Variants in GABPB1 observed in about 807,000 individuals in gnomAD.
GABPB1 encodes the protein GA binding protein transcription factor subunit beta 1, also known as GA-binding protein subunit beta-1.
A neutral mutation model predicts 45.9 loss-of-function variants in GABPB1; 15 were observed. That is an observed-to-expected ratio of 0.33 (90% CI 0.22 to 0.50). The LOEUF is 0.50. GABPB1 is among the 20% of genes least tolerant of loss of function. GABPB1 has a pLI of 0.98. For synonymous variants in GABPB1, 143 were observed against 154.4 expected (o/e 0.93, Z 0.55); for missense variants, 252 against 457.5 (o/e 0.55, Z 4.10).
At chr15:50,346,590 T>G (rs1308528668) in intron 1 of GABPB1, among the ~76,000 whole-genome samples, 5 of 145,776 alleles carry the variant, frequency 3.4e-5, no homozygotes, top group South Asian at 4.4e-4. Flanking sequence ...ACAGAAAGTT[T>G]TTTTTTTTTT....
chr15:50,299,630 C>T (rs1002398985), intron 6 of GABPB1, among the ~76,000 whole-genome samples: 1 of 152,024 alleles, frequency 6.6e-6, no homozygotes, highest in Non-Finnish European at 1.5e-5. Context: ...AACTCCTGAC[C>T]TCAGGTGATC....
intron 1 of GABPB1, among the ~76,000 whole-genome samples, chr15:50,319,012 A>G (rs918482938): frequency 6.6e-6 from 1 of 152,218 alleles, no homozygotes; most frequent in African/African-American, 2.4e-5. Flanking sequence ...ATAAATGGTG[A>G]GGGAAAATAT....
chr15:50,296,849 A>T (rs2046529491), intron 6 of GABPB1, among the ~76,000 whole-genome samples: 1 of 152,132 alleles, frequency 6.6e-6, no homozygotes, highest in African/African-American at 2.4e-5. Flanking sequence ...AGTATGTGCA[A>T]ATTGAGCTTT....
At chr15:50,308,984 C>T (rs1346488490) in intron 2 of GABPB1, among the ~76,000 whole-genome samples, 2 of 151,710 alleles carry the variant, frequency 1.3e-5, no homozygotes, top group Non-Finnish European at 1.5e-5. Context: ...ACAGGGATAT[C>T]GTTGATATAT....
intron 1 of GABPB1, among the ~76,000 whole-genome samples, chr15:50,329,634 T>C (rs1337374661): frequency 6.6e-6 from 1 of 152,172 alleles, no homozygotes; most frequent in African/African-American, 2.4e-5. Context: ...TAAACATGGA[T>C]ACCATTGTTC....
intron 8 of GABPB1, among the ~76,000 whole-genome samples, chr15:50,282,809 C>T (rs550741309): frequency 6.6e-6 from 1 of 152,272 alleles, no homozygotes; most frequent in East Asian, 1.9e-4. Flanking sequence ...AATCCCAGCA[C>T]TCTGGGGGGC....
chr15:50,300,429 GTTTTTGGTTTTTTT>G lies in GABPB1; in HGVS notation c.697+346_697+359del, dbSNP rs1430483093. ...TTTGTAAATATTTGAATCTGCAACT[GTTTTTGGTTTTTTT>G]TTTTTTTTTTTTTTTTTGAGACAGA... On this transcript the variant is annotated intron_variant, in intron 6 of 8. Transcript: ENST00000380877. 4.8e-4 allele frequency among the ~76,000 whole-genome samples: 35 copies of G among 72,174 alleles called. 1 individual carries two copies. The highest frequency in any genetic ancestry group is 1.6e-3 in the Admixed American group (8 of 5,066). 47.3% of individuals were successfully genotyped at this position (72,174 alleles called of 152,430 possible).
At chr15:50,289,319 A>T (rs1003640069) in intron 7 of GABPB1, among the ~76,000 whole-genome samples, 164 bp downstream of exon 7, 2 of 152,336 alleles carry the variant, frequency 1.3e-5, no homozygotes, top group Non-Finnish European at 2.9e-5. Flanking sequence ...GCAAAGGGTT[A>T]TACAAATATA....
chr15:50,283,553 C>T (rs1209412773), intron 8 of GABPB1, among the ~76,000 whole-genome samples: 6 of 151,694 alleles, frequency 4.0e-5, no homozygotes, highest in Non-Finnish European at 8.8e-5. Flanking sequence ...CTCTGTCACC[C>T]AGGCTGGAGT....
intron 1 of GABPB1, among the ~76,000 whole-genome samples, chr15:50,343,687 C>T (rs1016823243): frequency 1.3e-5 from 2 of 152,056 alleles, no homozygotes; most frequent in South Asian, 2.1e-4. Context: ...TACAGGCACA[C>T]ACCACCACGC....
At chr15:50,320,538 T>C (rs1486366845) in intron 1 of GABPB1, among the ~76,000 whole-genome samples, 1 of 152,196 alleles carries the variant, frequency 6.6e-6, no homozygotes, top group Non-Finnish European at 1.5e-5. Context: ...TGCACAGTAC[T>C]ATGGAGTGTG....
At chr15:50,323,718 T>C (rs528837694) in intron 1 of GABPB1, among the ~76,000 whole-genome samples, 8 of 151,786 alleles carry the variant, frequency 5.3e-5, no homozygotes, top group African/African-American at 1.7e-4. Context: ...AATAAAAAAT[T>C]AGCTGTATGT....
chr15:50,337,078 T>C (rs1185651233), intron 1 of GABPB1, among the ~76,000 whole-genome samples: 24 of 1,270 alleles, frequency 0.019, no homozygotes, highest in African/African-American at 0.12. Context: ...TGTGTGTGTA[T>C]ATATATATAT....
At chr15:50,323,179 T>C (rs1190022496) in intron 1 of GABPB1, among the ~76,000 whole-genome samples, 1 of 152,152 alleles carries the variant, frequency 6.6e-6, no homozygotes, top group Non-Finnish European at 1.5e-5. Flanking sequence ...GAGACTGTAC[T>C]GCACAGCGGC....
At chr15:50,336,340 C>T (rs966370519) in intron 1 of GABPB1, among the ~76,000 whole-genome samples, 37 of 130,988 alleles carry the variant, frequency 2.8e-4, no homozygotes, top group Non-Finnish European at 4.3e-4. Flanking sequence ...GGCAACAGAG[C>T]GAGACTCTGT....
chr15:50,347,243 C>T (rs2048623905), intron 1 of GABPB1, among the ~76,000 whole-genome samples: 1 of 151,988 alleles, frequency 6.6e-6, no homozygotes, highest in Non-Finnish European at 1.5e-5. Flanking sequence ...GACCATAGCA[C>T]TTAGGGCAAG....
At position 50,277,482 on chromosome 15, in the gene GABPB1, T is replaced by C. The variant is rs565867616; in HGVS notation, c.*1150A>G. ...ACAGTCTGCCAGTGTTTAATGTCCA[T>C]ACATTGTGGAATTCAACAATATTGT... On this transcript the variant is annotated 3_prime_UTR_variant, in exon 9 of 9. Transcript: ENST00000380877. 4.6e-5 allele frequency: 7 copies of C among 150,624 alleles called. No homozygotes were observed. In the South Asian group the frequency reaches 1.3e-3, roughly 27 times the overall value. The allele number at this position is 150,624 out of a possible 1,614,324, so 9.3% of individuals were successfully genotyped here. A position where few individuals can be genotyped will look rare whatever the true frequency, so the allele number is the denominator to read the frequency against.
chr15:50,332,875 A>G (rs1046891916), intron 1 of GABPB1, among the ~76,000 whole-genome samples: 24 of 152,016 alleles, frequency 1.6e-4, no homozygotes, highest in African/African-American at 5.6e-4. Context: ...AATGCAATCC[A>G]TATTCATTTT....
chr15:50,331,853 G>A (rs143480013), intron 1 of GABPB1, among the ~76,000 whole-genome samples: 11 of 149,964 alleles, frequency 7.3e-5, no homozygotes, highest in East Asian at 1.9e-4. Context: ...CATTTGTCCC[G>A]TTCAGTTTTT....
Sources: gnomAD v4.1 joint callset for allele counts (sites outside exome capture counted in the v4.1 genomes callset) on GRCh38, gnomAD v4.1.1 for gene constraint, MANE v1.5 for transcripts, NCBI Gene and HGNC (gene_info 2026-07-23, HGNC 2026-07-21) for gene names.